The following MED23 variants were observed in gnomAD, a reference collection of about 807,000 sequenced individuals.
The protein encoded by MED23 is mediator complex subunit 23, also known as mediator of RNA polymerase II transcription subunit 23.
In MED23, 105 loss-of-function variants were observed where a neutral mutation model predicts 163.9. That is an observed-to-expected ratio of 0.64 (90% CI 0.55 to 0.75). MED23 has a LOEUF of 0.75. Among genes scored for constraint, MED23 ranks in the 30% least tolerant of loss-of-function variants. MED23 has a pLI of 0.00. For missense variants in MED23, 1,054 were observed against 1,649.0 expected, an observed-to-expected ratio of 0.64 and a Z score of 6.25; for synonymous variants, 561 against 565.6, an observed-to-expected ratio of 0.99 and a Z score of 0.12.
intron 30 of MED23, chr6:131,576,538 T>C (rs974034404): frequency 3.4e-5 from 30 of 880,264 alleles, no homozygotes; most frequent in Non-Finnish European, 5.3e-5. Flanking sequence ...TGTAAATTCC[T>C]GGCTCTGTAG....
chr6:131,586,916 T>A lies in MED23; in HGVS notation c.*763A>T, dbSNP rs1774219435. On this transcript the variant is annotated 3_prime_UTR_variant, in exon 29 of 29. Coordinates refer to ENST00000368068, the MANE Select transcript of MED23 (RefSeq NM_004830.4). ...TTATAAAAATTGAAGAATTACATCA[T>A]CTGTCAGGTGAGAGTGTCAACCTGC... 3 of 1,457,298 alleles carry A rather than the reference T, an allele frequency of 2.1e-6. No individual in the cohort carries two copies. Among genetic ancestry groups the A allele is most frequent in the Non-Finnish European group, 2.8e-6 (3 of 1,077,532 alleles). 90.3% of individuals were successfully genotyped at this position (1,457,298 alleles called of 1,614,324 possible).
intron 10 of MED23, 61 bp from the exon 11 acceptor site, chr6:131,610,307 C>T (rs747444594): frequency 6.7e-7 from 1 of 1,493,458 alleles, no homozygotes; most frequent in Non-Finnish European, 9.2e-7. Flanking sequence ...CAGAAGTTAC[C>T]AGTTAATGGG....
Position 131,594,334 on chromosome 6 carries a change from A to C in MED23, c.2997T>G (p.Asp999Glu), listed in dbSNP as rs1774880099. 4 of 1,608,524 alleles carry C rather than the reference A, an allele frequency of 2.5e-6. No individual in the cohort carries two copies. The highest frequency in any genetic ancestry group is 1.7e-5 in the Admixed American group (1 of 59,990). Residue 999 changes from aspartate (D) to glutamate (E), a missense_variant and splice_region_variant, in exon 23 of 29, where the codon GAT becomes GAG. Around this residue, in one of 11 missense-constraint regions of MED23, gnomAD observed 362 missense variants for 471.6 expected, o/e 0.77. Coordinates refer to ENST00000368068, the MANE Select transcript of MED23 (RefSeq NM_004830.4). ...DHLGGLYKFH[D>E]RPVTYLYNTL... ...TGTTATACAGATAAGTCACTGGACGATCTGCCAAGAAAAAAACATACCACC... is the reference window on the plus strand; with the variant it reads ...TGTTATACAGATAAGTCACTGGACGCTCTGCCAAGAAAAAAACATACCACC...
intron 27 of MED23, among the ~76,000 whole-genome samples, chr6:131,589,891 G>T (rs1774467415): frequency 6.6e-6 from 1 of 152,086 alleles, no homozygotes; most frequent in Non-Finnish European, 1.5e-5. Context: ...ACCATCTCTC[G>T]ATGTCTGGGA....
chr6:131,585,943 C>T (rs1326320094), downstream of MED23, among the ~76,000 whole-genome samples: 3 of 152,162 alleles, frequency 2.0e-5, no homozygotes, highest in Non-Finnish European at 4.4e-5. Flanking sequence ...TATTGATTTT[C>T]ATTTCCTCTA....
At chr6:131,614,158 C>G (rs1381846710) in intron 10 of MED23, among the ~76,000 whole-genome samples, 1 of 152,134 alleles carries the variant, frequency 6.6e-6, no homozygotes, top group Non-Finnish European at 1.5e-5. Context: ...GTCAGATACT[C>G]TAGTGTGAAG....
intron 30 of MED23, chr6:131,579,427 A>G: frequency 1.1e-6 from 1 of 894,172 alleles, no homozygotes; most frequent in Non-Finnish European, 1.7e-6. Flanking sequence ...AAAAAATTTT[A>G]TAGGTTACTT....
chr6:131,598,053 C>T lies in MED23; in HGVS notation c.2607+234G>A, dbSNP rs572297681. On this transcript the variant is annotated intron_variant, in intron 20 of 28. Coordinates refer to ENST00000368068, the MANE Select transcript of MED23 (RefSeq NM_004830.4). This position sits in a 1 kb window ranked among gnomAD's most constrained non-coding sequence, Gnocchi z 4.7. The stretch of plus-strand genomic sequence containing the variant: ...TTGAGGCTGCAGTGAGCCATGATCA[C>T]GCCACTGCACTGGGCGACAGAGCGA... 1.1e-3 allele frequency among the ~76,000 whole-genome samples: 167 copies of T among 152,180 alleles called. No individual in the cohort carries two copies. Among genetic ancestry groups the T allele is most frequent in the African/African-American group, 3.6e-3 (150 of 41,522 alleles).
chr6:131,627,687 A>AAC lies in MED23; in HGVS notation c.40-16_40-15insGT, dbSNP rs769201110. 3.4e-5 allele frequency: 55 copies of AAC among 1,601,312 alleles called. No homozygotes were observed. In the South Asian group the frequency reaches 4.1e-4, roughly 12 times the overall value. On this transcript the variant is annotated splice_polypyrimidine_tract_variant and intron_variant, in intron 1 of 28. Transcript: ENST00000368068. Reference sequence around the variant, plus strand: ...ACTTCCGTTTTCTGTAAAAAAAAAAAAAACAAAATGTAAACAATGTTAATT... The same window carrying AAC: ...ACTTCCGTTTTCTGTAAAAAAAAAAAACAAACAAAATGTAAACAATGTTAATT...
At chr6:131,596,267 C>T (rs1242486184) in intron 21 of MED23, 104 bp from the exon 22 acceptor site, 3 of 1,101,150 alleles carry the variant, frequency 2.7e-6, no homozygotes, top group South Asian at 1.3e-5. Context: ...TGCAAGGAAA[C>T]ATTTAAAATT....
intron 10 of MED23, among the ~76,000 whole-genome samples, chr6:131,614,418 A>G (rs1776514348): frequency 6.6e-6 from 1 of 152,186 alleles, no homozygotes; most frequent in South Asian, 2.1e-4. Flanking sequence ...TAACCTAGAC[A>G]AGAACGTCTT....
At chr6:131,582,360 T>G (rs1236858161), downstream of MED23, among the ~76,000 whole-genome samples, 1 of 152,166 alleles carries the variant, frequency 6.6e-6, no homozygotes, top group African/African-American at 2.4e-5. Flanking sequence ...CAATCGTTTC[T>G]TTATAGAGGA....
chr6:131,586,505 A>C (rs1774189653), downstream of MED23, among the ~76,000 whole-genome samples: 1 of 152,248 alleles, frequency 6.6e-6, no homozygotes. Flanking sequence ...GATGGCAATT[A>C]CATGAGCTAC....
intron 30 of MED23, chr6:131,579,435 C>A: frequency 2.5e-6 from 2 of 798,092 alleles, no homozygotes. Flanking sequence ...TTATAGGTTA[C>A]TTTTATTATA....
intron 22 of MED23, 61 bp from the exon 23 acceptor site, chr6:131,594,396 T>C: frequency 8.0e-7 from 1 of 1,248,748 alleles, no homozygotes; most frequent in South Asian, 1.2e-5. Flanking sequence ...TGTGAAAAAC[T>C]GATCAACTGC....
At chr6:131,588,718 C>T (rs1458277243) in intron 28 of MED23, among the ~76,000 whole-genome samples, 1 of 152,084 alleles carries the variant, frequency 6.6e-6, no homozygotes, top group Admixed American at 6.5e-5. Context: ...CCCTATCTGT[C>T]CTACCTCCAC....
downstream of MED23, chr6:131,583,094 T>G (rs1313116151): frequency 1.9e-6 from 3 of 1,613,800 alleles, no homozygotes; most frequent in African/African-American, 4.0e-5. Context: ...TAAATACTTT[T>G]CAATGACTGA....
downstream of MED23, chr6:131,583,831 G>T: frequency 6.2e-7 from 1 of 1,614,120 alleles, no homozygotes; most frequent in Non-Finnish European, 8.5e-7. Flanking sequence ...CACAGCAGTT[G>T]CAATAACCTT....
intron 28 of MED23, among the ~76,000 whole-genome samples, chr6:131,588,988 T>G (rs1390032114): frequency 6.6e-6 from 1 of 152,210 alleles, no homozygotes; most frequent in Non-Finnish European, 1.5e-5. Context: ...AGGATAAGCA[T>G]TCCCATATTC....
Sources: gnomAD v4.1 joint callset for allele counts (sites outside exome capture counted in the v4.1 genomes callset) on GRCh38, gnomAD v4.1.1 for gene constraint, gnomAD v4.1.1 regional missense constraint, Gnocchi (gnomAD v3.1) non-coding constraint, MANE v1.5 for transcripts, NCBI Gene and HGNC (gene_info 2026-07-23, HGNC 2026-07-21) for gene names.